The following ZBTB44 variants were observed in gnomAD, a reference collection of about 807,000 sequenced individuals.
The protein encoded by ZBTB44 is zinc finger and BTB domain containing 44, also known as zinc finger and BTB domain-containing protein 44.
In ZBTB44, 15 loss-of-function variants were observed where a neutral mutation model predicts 54.0. That is an observed-to-expected ratio of 0.28 (90% CI 0.19 to 0.43). ZBTB44 has a LOEUF of 0.43. ZBTB44 is among the 20% of genes least tolerant of loss of function. The probability of loss-of-function intolerance (pLI) is 1.00; values close to 1 mark genes in which losing one functional copy is unlikely to be tolerated. For missense variants in ZBTB44, 487 were observed against 707.1 expected (o/e 0.69, Z 3.53); for synonymous variants, 230 against 250.1 (o/e 0.92, Z 0.76).
chr11:130,297,081 A>G lies in ZBTB44; in HGVS notation c.-57+17294T>C. 5 of 626,878 alleles carry G rather than the reference A, an allele frequency of 8.0e-6. No homozygotes were observed. The South Asian group carries it at 1.0e-4, about 13-fold the overall frequency. 38.8% of individuals were successfully genotyped at this position (626,878 alleles called of 1,614,324 possible). On this transcript the variant is annotated intron_variant, in intron 1 of 7. Transcript: ENST00000357899. Reference sequence around the variant, plus strand: ...AAGACATGCCTTTCTTTCATCTTGAATAACTGTTCTAAAATGAATTTTTTC... The same window carrying G: ...AAGACATGCCTTTCTTTCATCTTGAGTAACTGTTCTAAAATGAATTTTTTC...
At chr11:130,296,496 T>TGG (rs1941659284) in intron 1 of ZBTB44, 2 of 971,766 alleles carry the variant, frequency 2.1e-6, no homozygotes, top group Admixed American at 4.3e-5. Context: ...TGTACGGATG[T>TGG]GGTGGCAAGA....
intron 1 of ZBTB44, among the ~76,000 whole-genome samples, chr11:130,291,134 T>C (rs1592046615): frequency 1.3e-5 from 2 of 152,080 alleles, no homozygotes; most frequent in South Asian, 4.1e-4. Context: ...GGAAAGCCTT[T>C]GTTGTTTTTT....
chr11:130,306,972 T>C (rs1031673210), intron 1 of ZBTB44, among the ~76,000 whole-genome samples: 2 of 148,078 alleles, frequency 1.4e-5, no homozygotes, highest in African/African-American at 5.0e-5. Flanking sequence ...TGCACCAAAA[T>C]GTCAGAAATC....
intron 1 of ZBTB44, chr11:130,295,901 T>A (rs1344160333): frequency 9.3e-6 from 14 of 1,498,446 alleles, no homozygotes; most frequent in Non-Finnish European, 1.3e-5. Flanking sequence ...TATGGGTTGA[T>A]AATGGGTGGC....
chr11:130,260,951 C>A lies in ZBTB44; in HGVS notation c.923G>T (p.Ser308Ile). The change falls in exon 2 of 8, where the codon AGT becomes ATT. Residue 308 changes from serine (S) to isoleucine (I), a missense_variant. Physicochemically the swap from Ser to Ile is moderately radical, Grantham distance 142. Transcript: ENST00000357899. The stretch of plus-strand genomic sequence containing the variant: ...ATCACTCAGCGAACTCTGAGATGCA[C>A]TGACAGGCTGGGACACTTCCTCATG... ...EVHEEVSQPV[S>I]ASQSSLSDQQ... The A allele has an allele frequency of 6.2e-7, 1 of 1,614,042 alleles. No homozygotes were observed. Among genetic ancestry groups the A allele is most frequent in the South Asian group, 1.1e-5 (1 of 91,082 alleles).
chr11:130,243,769 A>G (rs1209241138), intron 2 of ZBTB44, among the ~76,000 whole-genome samples: 1 of 152,236 alleles, frequency 6.6e-6, no homozygotes, highest in African/African-American at 2.4e-5. Context: ...TTCTAAAATG[A>G]TTGTACTAAA....
intron 7 of ZBTB44, chr11:130,232,585 T>C (rs879022992): frequency 2.0e-5 from 3 of 152,364 alleles, no homozygotes; most frequent in South Asian, 4.1e-4. Context: ...TTACAGTCTA[T>C]ACTCTTCATT....
rs371479936 is a variant in ZBTB44 at position 130,260,829 on chromosome 11, C to T, written c.1018+27G>A. On this transcript the variant is annotated intron_variant, in intron 2 of 7. Coordinates refer to ENST00000357899, the MANE Select transcript of ZBTB44 (RefSeq NM_001301098.2). ...AAATGTTTGAATTGACTTTATAGCA[C>T]CAAGAAAAACACAGAAGGCATTATA... The T allele has an allele frequency of 9.0e-6, 14 of 1,560,134 alleles. No individual in the cohort carries two copies. The African/African-American group carries it at 1.1e-4, about 12-fold the overall frequency.
At chr11:130,299,646 A>C (rs1214884914) in intron 1 of ZBTB44, among the ~76,000 whole-genome samples, 1 of 152,238 alleles carries the variant, frequency 6.6e-6, no homozygotes, top group African/African-American at 2.4e-5. Flanking sequence ...GTAAAAAAAA[A>C]AAACAAAATA....
chr11:130,248,687 T>C (rs949889603), intron 2 of ZBTB44, among the ~76,000 whole-genome samples: 2 of 152,084 alleles, frequency 1.3e-5, no homozygotes, highest in East Asian at 1.9e-4. Flanking sequence ...ACAAACCACA[T>C]TGGGATTATC....
At chr11:130,304,323 A>G (rs939768335) in intron 1 of ZBTB44, among the ~76,000 whole-genome samples, 1 of 152,198 alleles carries the variant, frequency 6.6e-6, no homozygotes, top group Non-Finnish European at 1.5e-5. Context: ...GAGTGTATTC[A>G]ATAGGGGTTA....
chr11:130,307,490 T>C (rs1942343536), intron 1 of ZBTB44, among the ~76,000 whole-genome samples: 1 of 152,158 alleles, frequency 6.6e-6, no homozygotes, highest in South Asian at 2.1e-4. Context: ...CAATCCATCT[T>C]GATTTTTACT....
At chr11:130,233,562 A>G in intron 6 of ZBTB44, 180 bp from the exon 7 acceptor site, 1 of 1,425,184 alleles carries the variant, frequency 7.0e-7, no homozygotes, top group South Asian at 1.5e-5. Context: ...ATATTATACA[A>G]CATCCTGTGT....
intron 2 of ZBTB44, among the ~76,000 whole-genome samples, chr11:130,241,152 T>G (rs993647186): frequency 2.0e-5 from 3 of 152,238 alleles, no homozygotes; most frequent in African/African-American, 7.2e-5. Context: ...AGAACAATGC[T>G]GCTGTGAATA....
chr11:130,291,140 T>C (rs1049171091), intron 1 of ZBTB44, among the ~76,000 whole-genome samples: 1 of 151,132 alleles, frequency 6.6e-6, no homozygotes, highest in Non-Finnish European at 1.5e-5. Context: ...CCTTTGTTGT[T>C]TTTTTTTTTG....
intron 1 of ZBTB44, among the ~76,000 whole-genome samples, chr11:130,262,228 C>T (rs560991706): frequency 3.9e-5 from 6 of 152,232 alleles, no homozygotes; most frequent in African/African-American, 1.4e-4. Context: ...CAACCTCTGC[C>T]TCCCGGGTTC....
chr11:130,256,894 C>G (rs893903604), intron 2 of ZBTB44, among the ~76,000 whole-genome samples: 1 of 151,884 alleles, frequency 6.6e-6, no homozygotes, highest in African/African-American at 2.4e-5. Context: ...GAAGTTCTGG[C>G]CAGAGCAATC....
At chr11:130,282,815 A>G (rs1413613944) in intron 1 of ZBTB44, among the ~76,000 whole-genome samples, 2 of 152,118 alleles carry the variant, frequency 1.3e-5, no homozygotes, top group African/African-American at 2.4e-5. Flanking sequence ...AGCAGATGTC[A>G]TGTGTGTGAC....
chr11:130,238,417 A>T (rs768056081), intron 4 of ZBTB44, 27 bp downstream of exon 4: 1 of 1,589,598 alleles, frequency 6.3e-7, no homozygotes, highest in East Asian at 2.3e-5. Context: ...GCGTTCACTT[A>T]CGCACCAACA....
Sources: gnomAD v4.1 joint callset for allele counts (sites outside exome capture counted in the v4.1 genomes callset) on GRCh38, gnomAD v4.1.1 for gene constraint, MANE v1.5 for transcripts, NCBI Gene and HGNC (gene_info 2026-07-23, HGNC 2026-07-21) for gene names.